The following CTNNA3 variants were observed in gnomAD, a reference collection of about 807,000 sequenced individuals.
The protein encoded by CTNNA3 is catenin alpha 3.
A neutral mutation model predicts 95.7 loss-of-function variants in CTNNA3; 76 were observed. That is an observed-to-expected ratio of 0.79 (90% confidence interval 0.66 to 0.96). CTNNA3 has a LOEUF of 0.96. Ranked by LOEUF, CTNNA3 falls within the 40% of genes least tolerant of loss-of-function variation. The pLI, the probability that CTNNA3 is intolerant of heterozygous loss-of-function variation, is 0.00. For missense variants in CTNNA3, 1,191 were observed against 1,089.8 expected (o/e 1.09, Z -1.31); for synonymous variants, 431 against 374.4 (o/e 1.15, Z -1.74).
chr10:66,268,816 T>G (rs753163505), intron 13 of CTNNA3, among the ~76,000 whole-genome samples: 20 of 152,132 alleles, frequency 1.3e-4, no homozygotes, highest in Non-Finnish European at 2.5e-4. Flanking sequence ...AACTTCCTAT[T>G]CAATTATCTA....
At chr10:67,695,336 G>A (rs1010638233) in intron 1 of CTNNA3, among the ~76,000 whole-genome samples, 4 of 151,906 alleles carry the variant, frequency 2.6e-5, no homozygotes, top group Non-Finnish European at 5.9e-5. Flanking sequence ...TTTGTCTTCC[G>A]TGTAACTGAC....
At chr10:67,276,593 G>A (rs1316280031) in intron 5 of CTNNA3, among the ~76,000 whole-genome samples, 1 of 152,048 alleles carries the variant, frequency 6.6e-6, no homozygotes, top group African/African-American at 2.4e-5. Context: ...ATGGGGCAAT[G>A]TGTGATATAT....
At chr10:66,476,499 G>T (rs933988699) in intron 11 of CTNNA3, among the ~76,000 whole-genome samples, 1 of 152,018 alleles carries the variant, frequency 6.6e-6, no homozygotes, top group East Asian at 1.9e-4. Flanking sequence ...TTTGTACTGA[G>T]ATAATTAAAA....
At chr10:66,644,565 A>G (rs557807194) in intron 9 of CTNNA3, among the ~76,000 whole-genome samples, 11 of 151,306 alleles carry the variant, frequency 7.3e-5, no homozygotes, top group Non-Finnish European at 1.2e-4. Flanking sequence ...TGAGATAATT[A>G]CAAATTCACA....
chr10:67,226,659 C>T (rs1864932043), intron 5 of CTNNA3, among the ~76,000 whole-genome samples: 1 of 152,156 alleles, frequency 6.6e-6, no homozygotes, highest in African/African-American at 2.4e-5. Flanking sequence ...CAGTCTTTTT[C>T]AGACAAACAA....
chr10:66,597,169 G>T (rs1308868399), intron 10 of CTNNA3, among the ~76,000 whole-genome samples: 1 of 151,848 alleles, frequency 6.6e-6, no homozygotes, highest in Non-Finnish European at 1.5e-5. Context: ...AAGCCTATGG[G>T]AATTATGGGA....
At chr10:65,936,823 C>T (rs1589147673) in intron 17 of CTNNA3, among the ~76,000 whole-genome samples, 1 of 151,826 alleles carries the variant, frequency 6.6e-6, no homozygotes, top group East Asian at 1.9e-4. Flanking sequence ...ATCATATCTA[C>T]CTAATGAAGT....
intron 11 of CTNNA3, among the ~76,000 whole-genome samples, chr10:66,484,132 C>T (rs150225894): frequency 3.3e-5 from 5 of 151,128 alleles, no homozygotes; most frequent in Admixed American, 1.3e-4. Context: ...AACCATGTTG[C>T]TAATGCAACC....
At chr10:67,246,192 A>G (rs1242330582) in intron 5 of CTNNA3, among the ~76,000 whole-genome samples, 1 of 152,242 alleles carries the variant, frequency 6.6e-6, no homozygotes, top group Admixed American at 6.5e-5. Flanking sequence ...CTGTACGCAG[A>G]GCATGAATCA....
chr10:67,256,715 G>T (rs1203311984), intron 5 of CTNNA3, among the ~76,000 whole-genome samples: 1 of 152,046 alleles, frequency 6.6e-6, no homozygotes, highest in African/African-American at 2.4e-5. Flanking sequence ...CACCAGGAAG[G>T]ATAAACAGAA....
At position 67,552,091 on chromosome 10, in the gene CTNNA3, G is replaced by T. The variant is rs118084196; in HGVS notation, c.293-12422C>A. Among the ~76,000 whole-genome samples the T allele has an allele frequency of 5.5e-3, 843 of 152,256 alleles. 23 individuals are homozygous for T. In the East Asian group the frequency reaches 0.077, roughly 14 times the overall value. On this transcript the variant is annotated intron_variant, in intron 3 of 17. Transcript: ENST00000433211. ...AAAACAGGAGATCTCATTGATAGCC[G>T]CTAGTGTCCAAAAGCAAAGAAAAAT...
At chr10:66,755,760 T>C (rs1458651126) in intron 9 of CTNNA3, among the ~76,000 whole-genome samples, 1 of 152,102 alleles carries the variant, frequency 6.6e-6, no homozygotes, top group Non-Finnish European at 1.5e-5. Flanking sequence ...GTCTCTAAAC[T>C]TTCCCTCTAT....
chr10:67,444,091 C>T (rs1589296052), intron 5 of CTNNA3, among the ~76,000 whole-genome samples: 1 of 152,088 alleles, frequency 6.6e-6, no homozygotes, highest in East Asian at 1.9e-4. Flanking sequence ...CTGCAGAATA[C>T]ACATTCTTTT....
intron 6 of CTNNA3, among the ~76,000 whole-genome samples, chr10:67,214,877 G>A (rs931617746): frequency 2.6e-5 from 4 of 151,588 alleles, no homozygotes; most frequent in African/African-American, 9.7e-5. Context: ...TTTGGTCTTT[G>A]GCGTTCTTCA....
chr10:66,852,890 G>A (rs1469734240), intron 7 of CTNNA3, among the ~76,000 whole-genome samples: 1 of 152,060 alleles, frequency 6.6e-6, no homozygotes, highest in East Asian at 1.9e-4. Flanking sequence ...CTCATCCCTT[G>A]TAACATTTCA....
intron 5 of CTNNA3, among the ~76,000 whole-genome samples, chr10:67,283,844 C>T (rs772671772): frequency 5.3e-5 from 8 of 152,152 alleles, no homozygotes; most frequent in Non-Finnish European, 1.0e-4. Context: ...GGACTCGCCA[C>T]CACTAACAAT....
intron 12 of CTNNA3, among the ~76,000 whole-genome samples, chr10:66,297,093 G>T (rs1048991633): frequency 2.0e-5 from 3 of 152,142 alleles, no homozygotes; most frequent in Non-Finnish European, 4.4e-5. Flanking sequence ...GAAATATAAT[G>T]TGTGAGCAGA....
At chr10:67,520,380 A>ATT (rs1289939558) in intron 5 of CTNNA3, among the ~76,000 whole-genome samples, 1 of 152,156 alleles carries the variant, frequency 6.6e-6, no homozygotes, top group East Asian at 1.9e-4. Flanking sequence ...ATCACTGAAA[A>ATT]TGTGTTAATG....
chr10:66,151,691 A>T (rs2133906983), intron 13 of CTNNA3, among the ~76,000 whole-genome samples: 1 of 152,088 alleles, frequency 6.6e-6, no homozygotes, highest in Non-Finnish European at 1.5e-5. Flanking sequence ...AACAAGAACG[A>T]CAAGCTCATC....
Sources: gnomAD v4.1 joint callset for allele counts (sites outside exome capture counted in the v4.1 genomes callset) on GRCh38, gnomAD v4.1.1 for gene constraint, MANE v1.5 for transcripts, NCBI Gene and HGNC (gene_info 2026-07-23, HGNC 2026-07-21) for gene names.